NOVA1: variants seen among roughly 807,000 people sequenced by gnomAD.
The protein encoded by NOVA1 is RNA-binding protein Nova-1.
NOVA1 carries 7 observed loss-of-function variants against 38.0 expected under a neutral mutation model. That is an observed-to-expected ratio of 0.18 (90% CI 0.10 to 0.35). The LOEUF is 0.35. NOVA1 is among the 10% of genes least tolerant of loss of function. The pLI, the probability that NOVA1 is intolerant of heterozygous loss-of-function variation, is 1.00. For synonymous variants in NOVA1, 270 were observed against 232.5 expected (o/e 1.16, Z -1.47); for missense variants, 460 against 616.0 (o/e 0.75, Z 2.68).
chr14:26,577,754 T>C (rs1892952490), intron 2 of NOVA1, among the ~76,000 whole-genome samples: 1 of 152,078 alleles, frequency 6.6e-6, no homozygotes. Flanking sequence ...GAGAAGTTGA[T>C]CTGAGGGGGT....
intron 2 of NOVA1, chr14:26,519,482 C>T (rs1329322391): frequency 2.6e-5 from 4 of 151,984 alleles, no homozygotes; most frequent in Non-Finnish European, 5.9e-5. Context: ...AAAAGGATTC[C>T]GGATTTGATG....
At chr14:26,591,670 T>C (rs112608064) in intron 2 of NOVA1, among the ~76,000 whole-genome samples, 1,789 of 151,722 alleles carry the variant, frequency 0.012, 18 homozygotes, top group African/African-American at 0.041. Context: ...ATCATAATTA[T>C]ACAATTCCAG....
intron 2 of NOVA1, among the ~76,000 whole-genome samples, chr14:26,513,517 G>C (rs1888244275): frequency 6.6e-6 from 1 of 151,678 alleles, no homozygotes. Flanking sequence ...TGCTGTCATG[G>C]AAACAGTTGT....
At chr14:26,505,932 T>G (rs1047473234) in intron 2 of NOVA1, among the ~76,000 whole-genome samples, 1 of 152,136 alleles carries the variant, frequency 6.6e-6, no homozygotes, top group African/African-American at 2.4e-5. Context: ...CAAATCTCAT[T>G]TTCCTTATTT....
At chr14:26,463,351 G>C (rs1883853820) in intron 4 of NOVA1, among the ~76,000 whole-genome samples, 1 of 152,092 alleles carries the variant, frequency 6.6e-6, no homozygotes, top group Admixed American at 6.5e-5. Flanking sequence ...CACACGTCTT[G>C]AATTTCTGAT....
chr14:26,575,254 G>T (rs1892769553), intron 2 of NOVA1, among the ~76,000 whole-genome samples: 1 of 152,102 alleles, frequency 6.6e-6, no homozygotes, highest in Non-Finnish European at 1.5e-5. Context: ...TACTTTCAAA[G>T]AAATTTTTTA....
intron 3 of NOVA1, among the ~76,000 whole-genome samples, chr14:26,477,996 T>A (rs1594365580): frequency 6.6e-6 from 1 of 152,126 alleles, no homozygotes; most frequent in East Asian, 1.9e-4. Context: ...ACATTATTGA[T>A]TACATGAAAA....
At position 26,492,904 on chromosome 14, in the gene NOVA1, G is replaced by A. The variant is rs1305163349; in HGVS notation, c.281-12761C>T. Among the ~76,000 whole-genome samples the A allele has an allele frequency of 2.0e-5, 3 of 152,092 alleles. No homozygotes were observed. The East Asian group carries it at 5.8e-4, about 29-fold the overall frequency. ...GCTGGGATTGTGCCACTGCACTCCA[G>A]CCTGGGCTACAGAGTGAGGCTCTGT... On this transcript the variant is annotated intron_variant, in intron 2 of 4. Coordinates refer to ENST00000539517, the MANE Select transcript of NOVA1 (RefSeq NM_002515.3).
intron 2 of NOVA1, among the ~76,000 whole-genome samples, chr14:26,521,299 A>G (rs918172208): frequency 6.6e-6 from 1 of 152,130 alleles, no homozygotes; most frequent in African/African-American, 2.4e-5. Flanking sequence ...TACTCTAACA[A>G]TACATGAAAA....
intron 2 of NOVA1, among the ~76,000 whole-genome samples, chr14:26,538,064 G>A (rs1446450805): frequency 6.6e-6 from 1 of 152,070 alleles, no homozygotes; most frequent in Admixed American, 6.5e-5. Flanking sequence ...AACGGCAGGG[G>A]GAAACTGACA....
chr14:26,448,139 C>T lies in NOVA1; in HGVS notation c.1344G>A (p.Gln448=). Residue 448 remains glutamine, a synonymous_variant, in exon 5 of 5, where the codon CAG becomes CAA. Transcript: ENST00000539517. This position sits in a 1 kb window ranked among gnomAD's most constrained non-coding sequence, Gnocchi z 5.3. ...TCTGTATCCTTGCACCAGTCAACTC[C>T]TGGTATTCCACTAATGTTTTCCCTC... ...GKGGKTLVEY[Q]ELTGARIQIS... 1 of 1,614,170 alleles carries T rather than the reference C, an allele frequency of 6.2e-7. No homozygotes were observed. Among genetic ancestry groups the T allele is most frequent in the Non-Finnish European group, 8.5e-7 (1 of 1,180,030 alleles).
At chr14:26,571,940 G>A (rs1892506108) in intron 2 of NOVA1, among the ~76,000 whole-genome samples, 1 of 152,154 alleles carries the variant, frequency 6.6e-6, no homozygotes, top group South Asian at 2.1e-4. Context: ...TATAAATAAA[G>A]AAGGTGAAAG....
At position 26,523,900 on chromosome 14, in the gene NOVA1, G is replaced by A. The variant is rs1418562204; in HGVS notation, c.281-43757C>T. On this transcript the variant is annotated intron_variant, in intron 2 of 4. Transcript: ENST00000539517. ...TGAGTAGCTGGGACTACAGGCGCCC[G>A]ACACCATGCCCAGCTAATTTTTTTG... 3.3e-5 allele frequency among the ~76,000 whole-genome samples: 5 copies of A among 151,794 alleles called. No homozygotes were observed. The South Asian group carries it at 6.3e-4, about 19-fold the overall frequency.
chr14:26,574,545 C>T (rs2138736346), intron 2 of NOVA1, among the ~76,000 whole-genome samples: 1 of 152,120 alleles, frequency 6.6e-6, no homozygotes, highest in South Asian at 2.1e-4. Flanking sequence ...ATTTTATTAA[C>T]AAATAGCTTT....
intron 2 of NOVA1, among the ~76,000 whole-genome samples, chr14:26,518,546 T>C (rs570436238): frequency 1.8e-4 from 28 of 152,206 alleles, no homozygotes; most frequent in South Asian, 4.1e-4. Context: ...TAATTGTACA[T>C]ATTAATGAGG....
At chr14:26,484,539 C>G (rs966969716) in intron 2 of NOVA1, among the ~76,000 whole-genome samples, 30 of 151,660 alleles carry the variant, frequency 2.0e-4, no homozygotes, top group Non-Finnish European at 3.8e-4. Flanking sequence ...GACCTCATAC[C>G]CCTCTTCTAG....
At chr14:26,486,696 C>CAAAAAAAAAAAAAA (rs59078775) in intron 2 of NOVA1, among the ~76,000 whole-genome samples, 1 of 23,104 alleles carries the variant, frequency 4.3e-5, no homozygotes, top group Non-Finnish European at 7.0e-5. Flanking sequence ...GTGACAGACT[C>CAAAAAAAAAAAAAA]AAAAAAAAAA....
In NOVA1 at chr14:26,549,637, T is replaced by C. The variant is rs1214756798; in HGVS notation, c.280+45773A>G. 5.9e-5 allele frequency: 51 copies of C among 857,838 alleles called. No homozygotes were observed. The South Asian group carries it at 6.2e-4, about 10-fold the overall frequency. The allele number at this position is 857,838 out of a possible 1,614,324, so 53.1% of individuals were successfully genotyped here. The stretch of plus-strand genomic sequence containing the variant: ...TTTCCCAGTTATTTGTTATTTTCTC[T>C]TATTGGGCTTTCCAGTCTAGGGCAG... On this transcript the variant is annotated intron_variant, in intron 2 of 4. Coordinates refer to ENST00000539517, the MANE Select transcript of NOVA1 (RefSeq NM_002515.3).
intron 2 of NOVA1, among the ~76,000 whole-genome samples, chr14:26,585,685 C>T (rs1034540156): frequency 4.0e-5 from 6 of 151,080 alleles, no homozygotes; most frequent in African/African-American, 1.5e-4. Context: ...AATTCTTAAA[C>T]TCATATTGCT....
Sources: gnomAD v4.1 joint callset for allele counts (sites outside exome capture counted in the v4.1 genomes callset) on GRCh38, gnomAD v4.1.1 for gene constraint, Gnocchi (gnomAD v3.1) non-coding constraint, MANE v1.5 for transcripts, NCBI Gene and HGNC (gene_info 2026-07-23, HGNC 2026-07-21) for gene names.